The following DNAI3 variants were observed in gnomAD, a reference collection of about 807,000 sequenced individuals.
The protein encoded by DNAI3 is WD repeat domain 63.
DNAI3 carries 83 observed loss-of-function variants against 115.5 expected under a neutral mutation model. The ratio of observed to expected loss-of-function variants is 0.72; its 90% CI spans 0.60 to 0.86. The LOEUF is 0.86. DNAI3 is among the 40% of genes least tolerant of loss of function. The pLI, the probability that DNAI3 is intolerant of heterozygous loss-of-function variation, is 0.00. For synonymous variants in DNAI3, 320 were observed against 347.0 expected (o/e 0.92, Z 0.86); for missense variants, 1,004 against 1,075.8 (o/e 0.93, Z 0.93).
rs1461982472 is a variant in DNAI3 at position 85,130,682 on chromosome 1, TAGATAGATAGATAGATAGATAG to T, written c.2532+572_2532+593del. On this transcript the variant is annotated intron_variant, in intron 22 of 22. Coordinates refer to ENST00000294664, the MANE Select transcript of DNAI3 (RefSeq NM_145172.5). Reference sequence around the variant, plus strand: ...ATTAGATAGATGATAGATAGATAGATAGATAGATAGATAGATAGATAGATAGATAGATAGATAAATAGATATG... The same window carrying T: ...ATTAGATAGATGATAGATAGATAGATATAGATAGATAGATAAATAGATATG... 8.4e-4 allele frequency among the ~76,000 whole-genome samples: 70 copies of T among 83,270 alleles called. 1 individual carries two copies. The highest frequency in any genetic ancestry group is 3.8e-3 in the African/African-American group (70 of 18,550). The allele number at this position is 83,270 out of a possible 152,430, so 54.6% of individuals were successfully genotyped here.
At chr1:85,095,058 C>T (rs1042702793) in intron 10 of DNAI3, among the ~76,000 whole-genome samples, 4 of 152,114 alleles carry the variant, frequency 2.6e-5, no homozygotes, top group South Asian at 2.1e-4. Flanking sequence ...TGTATGAAAT[C>T]GCCCAATTTT....
chr1:85,074,279 C>T (rs766819158), intron 3 of DNAI3, among the ~76,000 whole-genome samples: 6 of 152,186 alleles, frequency 3.9e-5, no homozygotes, highest in Admixed American at 1.3e-4. Context: ...ATTTGGCGCA[C>T]AGCAGCCCAA....
chr1:85,121,507 G>A (rs1655993797), intron 17 of DNAI3, among the ~76,000 whole-genome samples: 1 of 152,192 alleles, frequency 6.6e-6, no homozygotes, highest in African/African-American at 2.4e-5. Context: ...AGTATCTGCA[G>A]AACTATCATG....
chr1:85,089,102 C>G (rs1654886896), intron 7 of DNAI3, among the ~76,000 whole-genome samples: 1 of 152,082 alleles, frequency 6.6e-6, no homozygotes, highest in Non-Finnish European at 1.5e-5. Context: ...AACACAAATA[C>G]TACATAATAT....
chr1:85,121,604 C>G, intron 17 of DNAI3, 147 bp from the exon 18 acceptor site: 1 of 668,004 alleles, frequency 1.5e-6, no homozygotes, highest in East Asian at 2.7e-5. Context: ...GAGGCTTTCC[C>G]TCTCCCCCAC....
chr1:85,124,396 A>G, intron 19 of DNAI3, 145 bp downstream of exon 19: 3 of 1,100,068 alleles, frequency 2.7e-6, no homozygotes, highest in African/African-American at 1.5e-5. Flanking sequence ...CCAGCTTGTC[A>G]GCAGAACCAC....
chr1:85,064,337 A>C (rs979151836), intron 1 of DNAI3, among the ~76,000 whole-genome samples: 8 of 152,206 alleles, frequency 5.3e-5, no homozygotes, highest in African/African-American at 1.7e-4. Flanking sequence ...GTGAATATCC[A>C]ATCTTGGAAA....
intron 1 of DNAI3, among the ~76,000 whole-genome samples, chr1:85,070,034 G>A (rs1057249799): frequency 5.3e-5 from 8 of 152,204 alleles, no homozygotes; most frequent in Non-Finnish European, 8.8e-5. Flanking sequence ...AGGCCGAGGC[G>A]GGTGGATCAC....
rs770014753 is a variant in DNAI3 at position 85,084,578 on chromosome 1, T to C, written c.423T>C (p.Tyr141=). 3.9e-6 allele frequency: 6 copies of C among 1,524,760 alleles called. No homozygotes were observed. In the African/African-American group the frequency reaches 5.6e-5, roughly 14 times the overall value. 94.5% of individuals were successfully genotyped at this position (1,524,760 alleles called of 1,614,324 possible). A position where few individuals can be genotyped will look rare whatever the true frequency, so the allele number is the denominator to read the frequency against. ...PPEVPEEQEE[Y]KEHIPEDVYI... ...AAGTACCAGAAGAACAAGAAGAATA[T>C]AAAGAACATATTCCTGAAGATGTGT... The change falls in exon 6 of 23, where the codon TAT becomes TAC. Residue 141 remains tyrosine, a synonymous_variant. Transcript: ENST00000294664.
At chr1:85,086,651 T>C (rs1181226707) in intron 7 of DNAI3, among the ~76,000 whole-genome samples, 1 of 152,142 alleles carries the variant, frequency 6.6e-6, no homozygotes, top group Non-Finnish European at 1.5e-5. Flanking sequence ...GGTAATGATA[T>C]TGTTCTAATT....
intron 3 of DNAI3, among the ~76,000 whole-genome samples, chr1:85,080,523 C>T (rs1215481722): frequency 6.6e-6 from 1 of 152,122 alleles, no homozygotes; most frequent in Non-Finnish European, 1.5e-5. Context: ...GGCAGGGCTG[C>T]AGGACCTGGC....
intron 19 of DNAI3, 41 bp from the exon 20 acceptor site, chr1:85,126,470 C>T (rs778744244): frequency 3.1e-5 from 48 of 1,571,886 alleles, no homozygotes; most frequent in Non-Finnish European, 4.1e-5. Flanking sequence ...CAGATAATAA[C>T]AAAATCTTCT....
intron 14 of DNAI3, among the ~76,000 whole-genome samples, chr1:85,105,542 GA>G (rs55764670): frequency 2.0e-5 from 2 of 99,246 alleles, no homozygotes; most frequent in African/African-American, 9.4e-5. Flanking sequence ...AAAAAAAAAA[GA>G]AAAAGAAAAA....
chr1:85,116,500 T>C (rs893750282), intron 16 of DNAI3, among the ~76,000 whole-genome samples: 3 of 152,254 alleles, frequency 2.0e-5, no homozygotes, highest in African/African-American at 7.2e-5. Context: ...AATGTATGTA[T>C]ATGTATTTAC....
At chr1:85,098,440 T>A (rs542652545) in intron 12 of DNAI3, 90 bp from the exon 13 acceptor site, 1 of 1,472,706 alleles carries the variant, frequency 6.8e-7, no homozygotes, top group South Asian at 1.3e-5. Flanking sequence ...ATCTCTAAAT[T>A]GTTCATTTTA....
chr1:85,082,880 G>A (rs187354016), intron 5 of DNAI3, among the ~76,000 whole-genome samples: 1 of 152,274 alleles, frequency 6.6e-6, no homozygotes, highest in East Asian at 1.9e-4. Context: ...CAGTGAATCT[G>A]GAGTACCGCT....
rs145272117 is a variant in DNAI3, at chr1:85,087,296, C to A, written c.740+1266C>A. ...ACTAAAAATACGCAAATTAGCCAGG[C>A]GTGGTGACGTGTGCCTGTAATCCCA... On this transcript the variant is annotated intron_variant, in intron 7 of 22. Transcript: ENST00000294664. Among the ~76,000 whole-genome samples the A allele has an allele frequency of 2.9e-3, 433 of 151,856 alleles. 2 individuals carry two copies. Among genetic ancestry groups the A allele is most frequent in the African/African-American group, 0.01 (420 of 41,414 alleles).
At chr1:85,084,212 GATGTGTATATAT>G (rs750016993) in intron 5 of DNAI3, among the ~76,000 whole-genome samples, 8 of 134,470 alleles carry the variant, frequency 5.9e-5, no homozygotes, top group Non-Finnish European at 1.3e-4. Context: ...TATATGTAGA[GATGTGTATATAT>G]ATGTGTATAT....
chr1:85,105,207 T>C (rs1381361493), intron 14 of DNAI3, among the ~76,000 whole-genome samples: 2 of 151,608 alleles, frequency 1.3e-5, no homozygotes, highest in Non-Finnish European at 2.9e-5. Flanking sequence ...AGGTGTGGAG[T>C]GGCAGAAGAA....
Sources: gnomAD v4.1 joint callset for allele counts (sites outside exome capture counted in the v4.1 genomes callset) on GRCh38, gnomAD v4.1.1 for gene constraint, MANE v1.5 for transcripts, NCBI Gene and HGNC (gene_info 2026-07-23, HGNC 2026-07-21) for gene names.